TIMM44: variants seen among roughly 807,000 people sequenced by gnomAD.
TIMM44 encodes translocase of inner mitochondrial membrane 44, also known as mitochondrial import inner membrane translocase subunit TIM44.
Under a neutral mutation model 63.8 loss-of-function variants are expected in TIMM44, and 37 were observed. The ratio of observed to expected loss-of-function variants is 0.58; its 90% confidence interval spans 0.45 to 0.76. The LOEUF (loss-of-function observed/expected upper bound fraction) is 0.76, where lower values mean the gene tolerates loss of function less well. Among genes scored for constraint, TIMM44 ranks in the 30% least tolerant of loss-of-function variants. The pLI is 0.00. For synonymous variants in TIMM44, 239 were observed against 245.1 expected (o/e 0.98, Z 0.23); for missense variants, 573 against 603.8 (o/e 0.95, Z 0.54).
chr19:7,927,406 T>C, intron 12 of TIMM44, 100 bp from the exon 13 acceptor site: 2 of 1,442,734 alleles, frequency 1.4e-6, no homozygotes, highest in Non-Finnish European at 1.9e-6. Flanking sequence ...CACCGGCAAC[T>C]TCCCCAGGGG....
In TIMM44 at chr19:7,943,404, C is replaced by A. The variant is rs1399353521; in HGVS notation, c.45+203G>T. On this transcript the variant is annotated intron_variant, in intron 1 of 12. Transcript: ENST00000270538. The surrounding 1 kb of genome is among the most constrained non-coding windows in gnomAD (Gnocchi z 4.3). ...TCCCAGGTCCCGCGCATCGCCGCCC[C>A]CTGCCCGGTAAGCTCGGTCCCCGCC... Among the ~76,000 whole-genome samples, 1 of 152,166 alleles carries A rather than the reference C, an allele frequency of 6.6e-6. No homozygotes were observed. The highest frequency in any genetic ancestry group is 1.5e-5 in the Non-Finnish European group (1 of 68,040).
chr19:7,931,320 C>T (rs1358864062), intron 9 of TIMM44, 132 bp from the exon 10 acceptor site: 6 of 827,544 alleles, frequency 7.3e-6, no homozygotes, highest in East Asian at 2.5e-5. Context: ...ACCTGTGGGG[C>T]GCGGGTGGAG....
rs12985279 is a variant in TIMM44 at position 7,943,599 on chromosome 19, C to T, written c.45+8G>A. On this transcript the variant is annotated splice_region_variant and intron_variant, in intron 1 of 12. Coordinates refer to ENST00000270538, the MANE Select transcript of TIMM44 (RefSeq NM_006351.4). The surrounding 1 kb of genome is among the most constrained non-coding windows in gnomAD (Gnocchi z 4.3). ...AGCTCGCCCTGCCAGCGCCGCACCG[C>T]CGCTCACCCGTGGACAGCGGCACCA... is the stretch of plus-strand genomic sequence containing the variant. 0.067 allele frequency: 104,899 copies of T among 1,562,416 alleles called. 3,658 individuals carry two copies. The highest frequency in any genetic ancestry group is 0.077 in the Middle Eastern group (463 of 6,022).
intron 2 of TIMM44, among the ~76,000 whole-genome samples, chr19:7,939,730 A>G (rs1984252488): frequency 6.6e-6 from 1 of 152,160 alleles, no homozygotes; most frequent in South Asian, 2.1e-4. Context: ...AGCCTGGCCA[A>G]CATGGTGAAA....
Position 7,934,264 on chromosome 19 carries a change from G to A in TIMM44, c.394-26C>T. 6.2e-7 allele frequency: 1 copy of A among 1,609,104 alleles called. No homozygotes were observed. Among genetic ancestry groups the A allele is most frequent in the South Asian group, 1.1e-5 (1 of 91,088 alleles). On this transcript the variant is annotated intron_variant, in intron 4 of 12. Coordinates refer to ENST00000270538, the MANE Select transcript of TIMM44 (RefSeq NM_006351.4). This position sits in a 1 kb window ranked among gnomAD's most constrained non-coding sequence, Gnocchi z 5.3. ...CTACTGAGACAGACACAGAGAGGGG[G>A]CGTTGGCACCGGCCCTGGCGGCCGG...
At position 7,941,101 on chromosome 19, in the gene TIMM44, C is replaced by T; in HGVS notation, c.141+1G>A. 3 of 1,613,504 alleles carry T rather than the reference C, an allele frequency of 1.9e-6. No individual in the cohort carries two copies. The highest frequency in any genetic ancestry group is 2.5e-6 in the Non-Finnish European group (3 of 1,179,562). On this transcript the variant is annotated splice_donor_variant, in intron 2 of 12. Coordinates refer to ENST00000270538, the MANE Select transcript of TIMM44 (RefSeq NM_006351.4). LOFTEE classifies it high-confidence loss of function. Reference sequence around the variant, plus strand: ...TGGCCCGAGCATCCTGAGTCACTCACCAGTGGCAGCTCTCCGCCCGGCCGG... The same window carrying T: ...TGGCCCGAGCATCCTGAGTCACTCATCAGTGGCAGCTCTCCGCCCGGCCGG...
At chr19:7,936,410 C>T (rs1220345831) in intron 3 of TIMM44, among the ~76,000 whole-genome samples, 1 of 152,184 alleles carries the variant, frequency 6.6e-6, no homozygotes, top group Non-Finnish European at 1.5e-5. Context: ...CGAGATCGCA[C>T]CATTGCACTC....
At position 7,927,084 on chromosome 19, in the gene TIMM44, GCC is replaced by G; in HGVS notation, c.*101_*102del. Reference sequence around the variant, plus strand: ...CCGTCCTGGCAGAGCTGGGGGCAGAGCCCGCAGTCTTGTTCCCAGAGGTCTGG... The same window carrying G: ...CCGTCCTGGCAGAGCTGGGGGCAGAGCGCAGTCTTGTTCCCAGAGGTCTGG... On this transcript the variant is annotated 3_prime_UTR_variant, in exon 13 of 13. Transcript: ENST00000270538. 6.7e-7 allele frequency: 1 copy of G among 1,484,884 alleles called. No homozygotes were observed. Among genetic ancestry groups the G allele is most frequent in the Non-Finnish European group, 9.1e-7 (1 of 1,101,976 alleles). The allele number at this position is 1,484,884 out of a possible 1,614,324, so 92.0% of individuals were successfully genotyped here.
Position 7,934,258 on chromosome 19 carries a change from GA to G in TIMM44, c.394-21del, listed in dbSNP as rs776162047. 2 of 1,609,910 alleles carry G rather than the reference GA, an allele frequency of 1.2e-6. No individual in the cohort carries two copies. Among genetic ancestry groups the G allele is most frequent in the South Asian group, 2.2e-5 (2 of 91,092 alleles). On this transcript the variant is annotated intron_variant, in intron 4 of 12. Transcript: ENST00000270538. This position sits in a 1 kb window ranked among gnomAD's most constrained non-coding sequence, Gnocchi z 5.3. ...AAGGCTCTACTGAGACAGACACAGA[GA>G]GGGGGCGTTGGCACCGGCCCTGGCG...
chr19:7,927,331 C>A (rs761246311), intron 12 of TIMM44, 25 bp from the exon 13 acceptor site: 2 of 1,606,966 alleles, frequency 1.2e-6, no homozygotes, highest in South Asian at 2.2e-5. Context: ...GGGAAGGGCA[C>A]TGTTGAGAGG....
At chr19:7,937,746 G>C (rs908893633) in intron 3 of TIMM44, 1 of 398,186 alleles carries the variant, frequency 2.5e-6, no homozygotes, top group South Asian at 2.2e-5. Flanking sequence ...GGCCCAACGC[G>C]GTGGCTCACG....
intron 3 of TIMM44, 83 bp from the exon 4 acceptor site, chr19:7,935,228 C>G (rs1191940343): frequency 8.1e-7 from 1 of 1,239,944 alleles, no homozygotes; most frequent in Admixed American, 2.1e-5. Context: ...TACAGTGGCA[C>G]GCTCTCGGCT....
Position 7,932,754 on chromosome 19 carries a change from G to A in TIMM44, c.863-3C>T. On this transcript the variant is annotated splice_region_variant and splice_polypyrimidine_tract_variant and intron_variant, in intron 8 of 12. Transcript: ENST00000270538. The stretch of plus-strand genomic sequence containing the variant: ...CTCTGTCTTGGAGAACAGGCCCCCT[G>A]CAGGGAGCAGAGCCGGGAGTTCGGG... The A allele has an allele frequency of 6.2e-7, 1 of 1,614,112 alleles. No homozygotes were observed. The highest frequency in any genetic ancestry group is 8.5e-7 in the Non-Finnish European group (1 of 1,179,994).
At chr19:7,935,290 C>G (rs902983391) in intron 3 of TIMM44, 145 bp from the exon 4 acceptor site, 1 of 741,550 alleles carries the variant, frequency 1.3e-6, no homozygotes, top group Non-Finnish European at 2.3e-6. Context: ...CCCAGCCTCC[C>G]GAGTAGCTGG....
In TIMM44 at chr19:7,926,972, C is replaced by A; in HGVS notation, c.*215G>T. ...ACCCCTGCAGGGCAGAGCAACAGGG[C>A]AGGGGTTGGCCCTGCGGGGGAGTGT... On this transcript the variant is annotated 3_prime_UTR_variant, in exon 13 of 13. Coordinates refer to ENST00000270538, the MANE Select transcript of TIMM44 (RefSeq NM_006351.4). The A allele has an allele frequency of 3.2e-6, 2 of 622,608 alleles. No homozygotes were observed. The highest frequency in any genetic ancestry group is 2.8e-6 in the Non-Finnish European group (1 of 358,512). 38.6% of individuals were successfully genotyped at this position (622,608 alleles called of 1,614,324 possible). A position where few individuals can be genotyped will look rare whatever the true frequency, so the allele number is the denominator to read the frequency against.
intron 3 of TIMM44, chr19:7,937,690 G>A (rs1408695059): frequency 3.0e-6 from 1 of 335,522 alleles, no homozygotes; most frequent in East Asian, 8.2e-5. Context: ...GAGAAACCCT[G>A]GCCCTGGAAA....
At chr19:7,929,438 C>T (rs904496678) in intron 10 of TIMM44, among the ~76,000 whole-genome samples, 2 of 152,150 alleles carry the variant, frequency 1.3e-5, no homozygotes, top group Non-Finnish European at 2.9e-5. Flanking sequence ...GGGAGGGGCA[C>T]CCACTGCCGC....
At chr19:7,937,803 A>G (rs567622521) in intron 3 of TIMM44, 4 of 499,622 alleles carry the variant, frequency 8.0e-6, no homozygotes, top group East Asian at 8.0e-5. Context: ...GGATCACTTG[A>G]GGTCAGGAGT....
chr19:7,941,060 C>T (rs772267891), intron 2 of TIMM44, 42 bp downstream of exon 2: 2 of 1,544,474 alleles, frequency 1.3e-6, no homozygotes, highest in East Asian at 2.2e-5. Flanking sequence ...AATTTTCGGG[C>T]CTCCCCTGTG....
Sources: allele counts gnomAD v4.1 joint callset (sites outside exome capture counted in the v4.1 genomes callset), GRCh38; gene constraint gnomAD v4.1.1; non-coding constraint Gnocchi (gnomAD v3.1); transcripts MANE v1.5; gene names NCBI Gene and HGNC (gene_info 2026-07-23, HGNC 2026-07-21).